PACRG: variants seen among roughly 807,000 people sequenced by gnomAD.
The protein encoded by PACRG is parkin coregulated.
A neutral mutation model predicts 29.7 loss-of-function variants in PACRG; 29 were observed. The ratio of observed to expected loss-of-function variants is 0.98; its 90% CI spans 0.73 to 1.33. PACRG has a LOEUF of 1.33. Ranked by LOEUF, PACRG falls within the 40% of genes most tolerant of loss-of-function variation. The pLI, the probability that PACRG is intolerant of heterozygous loss-of-function variation, is 0.00. For missense variants in PACRG, 279 were observed against 316.2 expected (o/e 0.88, Z 0.89); for synonymous variants, 116 against 118.7 (o/e 0.98, Z 0.15).
At chr6:163,110,919 T>C (rs1815678642) in intron 4 of PACRG, among the ~76,000 whole-genome samples, 2 of 152,334 alleles carry the variant, frequency 1.3e-5, no homozygotes, top group South Asian at 4.1e-4. Context: ...TTTCTTCATC[T>C]AGCAAGTAGG....
chr6:163,060,970 A>G (rs531253054), intron 2 of PACRG: 1 of 152,046 alleles, frequency 6.6e-6, no homozygotes, highest in South Asian at 2.1e-4. Context: ...TATAGGGAAT[A>G]AATATATGTA....
At chr6:163,299,923 C>T (rs1005427075) in intron 4 of PACRG, among the ~76,000 whole-genome samples, 3 of 152,234 alleles carry the variant, frequency 2.0e-5, no homozygotes, top group South Asian at 2.1e-4. Flanking sequence ...AGACTGAGGA[C>T]CCACCATCAC....
chr6:162,758,785 A>G (rs955108152), intron 1 of PACRG, among the ~76,000 whole-genome samples: 2 of 152,204 alleles, frequency 1.3e-5, no homozygotes, highest in Non-Finnish European at 2.9e-5. Context: ...TACCTGCTAA[A>G]TATACATTTG....
intron 2 of PACRG, among the ~76,000 whole-genome samples, chr6:162,817,467 G>C (rs546446968): frequency 6.6e-6 from 1 of 152,122 alleles, no homozygotes; most frequent in Non-Finnish European, 1.5e-5. Flanking sequence ...GGCAGGCTGC[G>C]TGTCATCGTC....
intron 2 of PACRG, among the ~76,000 whole-genome samples, chr6:162,961,598 A>G (rs1165947623): frequency 6.6e-6 from 1 of 152,104 alleles, no homozygotes; most frequent in East Asian, 1.9e-4. Flanking sequence ...TGAGTCTACC[A>G]CACTCCACTC....
chr6:163,173,992 C>T (rs1333460941), intron 4 of PACRG, among the ~76,000 whole-genome samples: 1 of 152,212 alleles, frequency 6.6e-6, no homozygotes, highest in African/African-American at 2.4e-5. Flanking sequence ...GTAATCAAGT[C>T]GTCCTTTGAC....
chr6:163,059,807 C>G (rs1810942565), intron 2 of PACRG, among the ~76,000 whole-genome samples: 1 of 152,164 alleles, frequency 6.6e-6, no homozygotes, highest in African/African-American at 2.4e-5. Flanking sequence ...ACAACAGTGT[C>G]TGGCATCACA....
intron 3 of PACRG, among the ~76,000 whole-genome samples, chr6:163,087,142 A>G (rs1813636713): frequency 6.6e-6 from 1 of 152,190 alleles, no homozygotes; most frequent in Admixed American, 6.5e-5. Context: ...GCTCCAGTGA[A>G]TGGGTCCCAA....
intron 2 of PACRG, among the ~76,000 whole-genome samples, chr6:162,834,583 C>T (rs1231420412): frequency 6.6e-6 from 1 of 151,394 alleles, no homozygotes; most frequent in Non-Finnish European, 1.5e-5. Context: ...CTTATTAAAA[C>T]TTGGAATTGT....
At chr6:162,990,266 G>A (rs572500181) in intron 2 of PACRG, among the ~76,000 whole-genome samples, 2 of 151,690 alleles carry the variant, frequency 1.3e-5, no homozygotes, top group African/African-American at 4.8e-5. Context: ...TAATGGGATG[G>A]CTGGGTCAAA....
chr6:162,905,521 A>C (rs750058742), intron 2 of PACRG, among the ~76,000 whole-genome samples: 32 of 152,160 alleles, frequency 2.1e-4, no homozygotes, highest in Non-Finnish European at 4.4e-4. Context: ...TTCAAAAATA[A>C]AGAGATTGAA....
At chr6:162,778,057 A>G (rs1783784969) in intron 1 of PACRG, among the ~76,000 whole-genome samples, 1 of 152,164 alleles carries the variant, frequency 6.6e-6, no homozygotes, top group Non-Finnish European at 1.5e-5. Flanking sequence ...TAAAATACGC[A>G]TTTGCAACAA....
chr6:162,826,884 GA>G (rs1183311625), intron 2 of PACRG, among the ~76,000 whole-genome samples: 3 of 152,040 alleles, frequency 2.0e-5, no homozygotes, highest in Non-Finnish European at 2.9e-5. Context: ...CCTTCCAATG[GA>G]AAACATCTTT....
chr6:163,104,980 A>G (rs1453469854), intron 4 of PACRG, among the ~76,000 whole-genome samples: 1 of 152,198 alleles, frequency 6.6e-6, no homozygotes, highest in Non-Finnish European at 1.5e-5. Flanking sequence ...AATTCAAAAT[A>G]AGGCACTAAT....
intron 2 of PACRG, among the ~76,000 whole-genome samples, chr6:162,966,176 T>C (rs1034818542): frequency 2.6e-5 from 4 of 152,202 alleles, no homozygotes; most frequent in Admixed American, 6.5e-5. Flanking sequence ...AAAATAAAGA[T>C]CTAGAAACAA....
chr6:162,867,687 T>A (rs1304093775), intron 2 of PACRG, among the ~76,000 whole-genome samples: 1 of 152,096 alleles, frequency 6.6e-6, no homozygotes, highest in Admixed American at 6.5e-5. Context: ...TGAAATGAGA[T>A]TTTAAAATAT....
rs1184054857 is a variant in PACRG at position 163,253,507 on chromosome 6, G to A, written c.614-61320G>A. On this transcript the variant is annotated intron_variant, in intron 4 of 4. Transcript: ENST00000366888. ...TCTGTCTATCTAAAATTTATTTTAG[G>A]GGTAGGAGGGAAATTGGAGATTGTC... Among the ~76,000 whole-genome samples the A allele has an allele frequency of 3.9e-5, 6 of 151,982 alleles. No homozygotes were observed. In the East Asian group the frequency reaches 1.2e-3, roughly 29 times the overall value.
At chr6:163,163,073 T>G (rs1417933305) in intron 4 of PACRG, among the ~76,000 whole-genome samples, 1 of 152,194 alleles carries the variant, frequency 6.6e-6, no homozygotes, top group Non-Finnish European at 1.5e-5. Flanking sequence ...CTGCAGGGCA[T>G]GGCTCCAGCT....
intron 4 of PACRG, among the ~76,000 whole-genome samples, chr6:163,136,695 C>T (rs1816948820): frequency 6.6e-6 from 1 of 152,162 alleles, no homozygotes; most frequent in African/African-American, 2.4e-5. Context: ...ATAACGGAAA[C>T]TGTTGTACTA....
Sources: gnomAD v4.1 joint callset for allele counts (sites outside exome capture counted in the v4.1 genomes callset) on GRCh38, gnomAD v4.1.1 for gene constraint, MANE v1.5 for transcripts, NCBI Gene and HGNC (gene_info 2026-07-23, HGNC 2026-07-21) for gene names.